The following GPAT4 variants were observed in gnomAD, a reference collection of about 807,000 sequenced individuals.
GPAT4 encodes glycerol-3-phosphate acyltransferase 4, also known as 1-AGP acyltransferase 6.
In GPAT4, 17 loss-of-function variants were observed where a neutral mutation model predicts 58.0. The observed-to-expected ratio is 0.29, with a 90% CI of 0.20 to 0.44. GPAT4 has a LOEUF of 0.44. GPAT4 is among the 20% of genes least tolerant of loss of function. GPAT4 has a pLI of 1.00. For synonymous variants in GPAT4, 204 were observed against 210.1 expected (o/e 0.97, Z 0.25); for missense variants, 377 against 574.5 (o/e 0.66, Z 3.51).
Position 41,599,458 on chromosome 8 carries a change from G to A in GPAT4, c.165+154G>A, listed in dbSNP as rs185511514. 7.2e-5 allele frequency among the ~76,000 whole-genome samples: 11 copies of A among 152,272 alleles called. No homozygotes were observed. In the East Asian group the frequency reaches 1.2e-3, roughly 16 times the overall value. On this transcript the variant is annotated intron_variant, in intron 2 of 12. Transcript: ENST00000396987. ...TTTTGAGTAAGAAGAATAACTAAACGTCTACTTTTGAAAGGTACTTGTGTG... is the reference window on the plus strand; with the variant it reads ...TTTTGAGTAAGAAGAATAACTAAACATCTACTTTTGAAAGGTACTTGTGTG...
chr8:41,609,444 C>T lies in GPAT4; in HGVS notation c.194C>T (p.Ala65Val). The T allele has an allele frequency of 6.2e-7, 1 of 1,614,126 alleles. No individual in the cohort carries two copies. Among genetic ancestry groups the T allele is most frequent in the South Asian group, 1.1e-5 (1 of 91,076 alleles). Residue 65 changes from alanine (A) to valine (V), a missense_variant, in exon 3 of 13, where the codon GCC becomes GTC. By Grantham distance (64) the Ala-to-Val change is moderately conservative. Coordinates refer to ENST00000396987, the MANE Select transcript of GPAT4 (RefSeq NM_178819.4). ...AWATLRMERG[A>V]KEKNHQLYKP... The stretch of plus-strand genomic sequence containing the variant: ...GCTACCTTGAGAATGGAGCGAGGAG[C>T]CAAGGAGAAGAACCACCAGCTTTAC...
At chr8:41,580,348 CTTCT>C (rs1802480095) in intron 1 of GPAT4, among the ~76,000 whole-genome samples, 1 of 152,158 alleles carries the variant, frequency 6.6e-6, no homozygotes, top group Non-Finnish European at 1.5e-5. Context: ...GAGTGTTACT[CTTCT>C]TTTTCTGAGA....
At chr8:41,615,889 A>G (rs1803582430) in intron 10 of GPAT4, among the ~76,000 whole-genome samples, 1 of 152,206 alleles carries the variant, frequency 6.6e-6, no homozygotes, top group Non-Finnish European at 1.5e-5. Flanking sequence ...TGCCAGTGCC[A>G]CTGGAGAGGT....
chr8:41,591,015 C>T (rs1419127077), intron 1 of GPAT4, among the ~76,000 whole-genome samples: 2 of 152,060 alleles, frequency 1.3e-5, no homozygotes, highest in African/African-American at 4.8e-5. Flanking sequence ...CAGCTGGGGG[C>T]GTTGGCGGAC....
chr8:41,600,087 G>T (rs1244203551), intron 2 of GPAT4, among the ~76,000 whole-genome samples: 1 of 126,186 alleles, frequency 7.9e-6, no homozygotes, highest in Non-Finnish European at 1.6e-5. Flanking sequence ...CGCCCAGGCT[G>T]GAATGCAGTG....
intron 2 of GPAT4, among the ~76,000 whole-genome samples, chr8:41,604,458 G>A (rs933158700): frequency 6.6e-6 from 1 of 152,202 alleles, no homozygotes; most frequent in Non-Finnish European, 1.5e-5. Context: ...ATCTTTGTGT[G>A]CAGAGAGCAG....
chr8:41,592,926 T>G (rs1343521782), intron 1 of GPAT4, among the ~76,000 whole-genome samples: 1 of 152,210 alleles, frequency 6.6e-6, no homozygotes, highest in Non-Finnish European at 1.5e-5. Context: ...GGCCACTTTT[T>G]CCTTTCTGAA....
At chr8:41,596,255 C>CCA (rs151037905) in intron 1 of GPAT4, among the ~76,000 whole-genome samples, 2 of 152,012 alleles carry the variant, frequency 1.3e-5, no homozygotes, top group Non-Finnish European at 2.9e-5. Flanking sequence ...CACGCTCACC[C>CCA]CACACACACA....
chr8:41,602,275 G>A (rs1803124962), intron 2 of GPAT4, among the ~76,000 whole-genome samples: 1 of 152,180 alleles, frequency 6.6e-6, no homozygotes, highest in South Asian at 2.1e-4. Flanking sequence ...CAGTGATTTA[G>A]AAGCGGTAAT....
chr8:41,586,977 G>A (rs1802670341), intron 1 of GPAT4, among the ~76,000 whole-genome samples: 1 of 152,204 alleles, frequency 6.6e-6, no homozygotes, highest in Non-Finnish European at 1.5e-5. Context: ...AGCATCCTGG[G>A]TGGAGAACCA....
At chr8:41,585,376 G>A (rs7828746) in intron 1 of GPAT4, among the ~76,000 whole-genome samples, 3,258 of 151,326 alleles carry the variant, frequency 0.022, 102 homozygotes, top group African/African-American at 0.072. Context: ...TCTGTTACCA[G>A]CCATTCCGTA....
chr8:41,601,581 G>T (rs1803099438), intron 2 of GPAT4, among the ~76,000 whole-genome samples: 1 of 152,152 alleles, frequency 6.6e-6, no homozygotes, highest in South Asian at 2.1e-4. Flanking sequence ...TAAGCAAGTG[G>T]TTAATTCATG....
rs771147289 is a variant in GPAT4 at position 41,612,974 on chromosome 8, C to T, written c.911+14C>T. 21 of 1,610,166 alleles carry T rather than the reference C, an allele frequency of 1.3e-5. No homozygotes were observed. The Middle Eastern group carries it at 6.6e-4, about 51-fold the overall frequency. On this transcript the variant is annotated intron_variant, in intron 8 of 12. Transcript: ENST00000396987. ...GGTGGCTAAGAGGTAATGGACAGAACACTGCTGTTCTGCTTGGCCAGTTAG... is the reference window on the plus strand; with the variant it reads ...GGTGGCTAAGAGGTAATGGACAGAATACTGCTGTTCTGCTTGGCCAGTTAG...
Position 41,612,006 on chromosome 8 carries a change from G to C in GPAT4, c.701+14G>C. ...CTACCATGACAGGTGAGAGCGCTTT[G>C]TATTGATAGGAAGGGAGATGGCGCT... On this transcript the variant is annotated intron_variant, in intron 6 of 12. Transcript: ENST00000396987. 11 of 1,613,816 alleles carry C rather than the reference G, an allele frequency of 6.8e-6. No individual in the cohort carries two copies. In the East Asian group the frequency reaches 2.5e-4, roughly 36 times the overall value.
intron 10 of GPAT4, 128 bp from the exon 11 acceptor site, chr8:41,618,556 A>T: frequency 8.3e-7 from 1 of 1,203,924 alleles, no homozygotes; most frequent in Non-Finnish European, 1.2e-6. Context: ...CACAGTACTC[A>T]TGCAAGGTCA....
chr8:41,594,979 T>C (rs1008004233), intron 1 of GPAT4, among the ~76,000 whole-genome samples: 3 of 152,152 alleles, frequency 2.0e-5, no homozygotes, highest in Non-Finnish European at 4.4e-5. Context: ...GAACTTCCTT[T>C]ATGTCTGTGG....
At chr8:41,581,687 G>T (rs1802513067) in intron 1 of GPAT4, among the ~76,000 whole-genome samples, 1 of 146,834 alleles carries the variant, frequency 6.8e-6, no homozygotes, top group Admixed American at 6.8e-5. Context: ...GGAGTGCAGT[G>T]GCGCAATCTC....
intron 10 of GPAT4, among the ~76,000 whole-genome samples, chr8:41,616,255 T>A (rs1224162370): frequency 6.6e-6 from 1 of 152,224 alleles, no homozygotes; most frequent in Non-Finnish European, 1.5e-5. Context: ...AGGGATTGTT[T>A]AAATGCAGAT....
At chr8:41,599,665 C>T (rs1304079165) in intron 2 of GPAT4, among the ~76,000 whole-genome samples, 4 of 152,210 alleles carry the variant, frequency 2.6e-5, no homozygotes, top group Non-Finnish European at 5.9e-5. Flanking sequence ...ATGGGAGAGC[C>T]TCTTCTCTTC....
Sources: gnomAD v4.1 joint callset for allele counts (sites outside exome capture counted in the v4.1 genomes callset) on GRCh38, gnomAD v4.1.1 for gene constraint, MANE v1.5 for transcripts, NCBI Gene and HGNC (gene_info 2026-07-23, HGNC 2026-07-21) for gene names.